Variants in ABHD12 observed in about 807,000 individuals in gnomAD.
ABHD12 encodes the protein lysophosphatidylserine lipase ABHD12.
In ABHD12, 43 loss-of-function variants were observed where a neutral mutation model predicts 58.3. That is an observed-to-expected ratio of 0.74 (90% CI 0.58 to 0.95). The LOEUF is 0.95. ABHD12 is among the 40% of genes least tolerant of loss of function. ABHD12 has a pLI of 0.00. For synonymous variants in ABHD12, 219 were observed against 211.2 expected (o/e 1.04, Z -0.32); for missense variants, 539 against 537.2 (o/e 1.00, Z -0.03).
At chr20:25,342,103 C>CAAAAAAAAAA (rs11476197) in intron 1 of ABHD12, among the ~76,000 whole-genome samples, 1 of 69,804 alleles carries the variant, frequency 1.4e-5, no homozygotes, top group African/African-American at 5.4e-5. Context: ...AACTCTGTCT[C>CAAAAAAAAAA]AAAAAAAAAA....
chr20:25,365,448 T>C (rs1431025919), intron 1 of ABHD12, among the ~76,000 whole-genome samples: 2 of 152,196 alleles, frequency 1.3e-5, no homozygotes, highest in African/African-American at 2.4e-5. Context: ...ATTTTACAGC[T>C]CCTAACTGGG....
At chr20:25,309,695 C>T in intron 6 of ABHD12, 120 bp from the exon 7 acceptor site, 1 of 1,465,746 alleles carries the variant, frequency 6.8e-7, no homozygotes, top group Admixed American at 1.8e-5. Context: ...CTTGGCCCAC[C>T]CTTCCAGAGT....
intron 2 of ABHD12, among the ~76,000 whole-genome samples, chr20:25,332,193 T>C (rs899519922): frequency 3.3e-5 from 5 of 151,224 alleles, no homozygotes; most frequent in African/African-American, 1.2e-4. Context: ...CCAACAAAGA[T>C]CAAAAGAGAC....
At chr20:25,366,135 G>C (rs1027517102) in intron 1 of ABHD12, among the ~76,000 whole-genome samples, 12 of 152,028 alleles carry the variant, frequency 7.9e-5, no homozygotes, top group African/African-American at 2.7e-4. Context: ...ATTGGGCCTT[G>C]AACTTTTTTC....
chr20:25,314,860 G>A (rs1434568333), intron 6 of ABHD12, 65 bp downstream of exon 6: 7 of 1,572,696 alleles, frequency 4.5e-6, no homozygotes, highest in Non-Finnish European at 6.1e-6. Context: ...AGTGAGGCCT[G>A]CCCATGGGAT....
At chr20:25,351,256 C>T (rs2089597300) in intron 1 of ABHD12, among the ~76,000 whole-genome samples, 1 of 152,170 alleles carries the variant, frequency 6.6e-6, no homozygotes, top group African/African-American at 2.4e-5. Flanking sequence ...AAGACTTTGT[C>T]TTTCACCTTT....
At chr20:25,305,991 C>A (rs1761637586) in intron 10 of ABHD12, among the ~76,000 whole-genome samples, 1 of 151,866 alleles carries the variant, frequency 6.6e-6, no homozygotes, top group African/African-American at 2.4e-5. Flanking sequence ...CATGGTGAAA[C>A]CCCGTCTCTA....
At chr20:25,325,410 A>C (rs891702660) in intron 2 of ABHD12, among the ~76,000 whole-genome samples, 5 of 152,100 alleles carry the variant, frequency 3.3e-5, no homozygotes, top group African/African-American at 4.8e-5. Flanking sequence ...CCAGTACCTA[A>C]GAGTGTGACC....
intron 1 of ABHD12, among the ~76,000 whole-genome samples, chr20:25,367,852 A>T (rs2089844797): frequency 1.3e-5 from 2 of 152,232 alleles, no homozygotes; most frequent in Non-Finnish European, 2.9e-5. Flanking sequence ...GCTGCTATGA[A>T]CATGGGTGTA....
At chr20:25,376,016 GGGA>G (rs2089958480) in intron 1 of ABHD12, among the ~76,000 whole-genome samples, 1 of 152,090 alleles carries the variant, frequency 6.6e-6, no homozygotes, top group South Asian at 2.1e-4. Flanking sequence ...CCAGCCACTT[GGGA>G]GGCTGAGGCA....
intron 3 of ABHD12, among the ~76,000 whole-genome samples, chr20:25,320,756 A>ATT (rs1328144398): frequency 6.6e-6 from 1 of 152,224 alleles, no homozygotes; most frequent in Non-Finnish European, 1.5e-5. Flanking sequence ...ATGCTGTCAC[A>ATT]TTTGCTAATT....
At chr20:25,295,147 G>T in intron 12 of ABHD12, 1 of 1,082,552 alleles carries the variant, frequency 9.2e-7, no homozygotes, top group Non-Finnish European at 1.4e-6. Flanking sequence ...TTTTTGTTCA[G>T]CACATCAGGA....
At chr20:25,298,159 C>T (rs1180108765), downstream of ABHD12, 1 of 152,248 alleles carries the variant, frequency 6.6e-6, no homozygotes, top group East Asian at 1.9e-4. Flanking sequence ...CCGTCTGAAA[C>T]TAGAGCCGGG....
chr20:25,308,332 C>A (rs1600770020), intron 8 of ABHD12, 125 bp downstream of exon 8: 2 of 1,282,488 alleles, frequency 1.6e-6, no homozygotes, highest in East Asian at 5.0e-5. Flanking sequence ...GCTGGTCAGC[C>A]CCGGGCCCCC....
At chr20:25,343,908 A>C (rs528751150) in intron 1 of ABHD12, among the ~76,000 whole-genome samples, 22 of 152,398 alleles carry the variant, frequency 1.4e-4, no homozygotes, top group African/African-American at 5.3e-4. Context: ...ATGTATAAAA[A>C]GAATTATACA....
chr20:25,294,933 T>C, exon 13 of ABHD12: 2 of 1,609,666 alleles, frequency 1.2e-6, no homozygotes, highest in Non-Finnish European at 8.5e-7. Context: ...TTTAGTTTTG[T>C]CTGCTGCTCT....
chr20:25,296,735 A>G (rs201678685), downstream of ABHD12: 19 of 648,188 alleles, frequency 2.9e-5, 1 homozygote, highest in Middle Eastern at 5.2e-3. Context: ...AAAGGAAGCC[A>G]GAGTTGACAG....
chr20:25,357,197 C>T (rs375229512), intron 1 of ABHD12, among the ~76,000 whole-genome samples: 7 of 152,338 alleles, frequency 4.6e-5, no homozygotes, highest in East Asian at 1.9e-4. Context: ...GACTCTCCAG[C>T]GCCTTTCAGT....
chr20:25,364,190 TATTC>T (rs1202364223), intron 1 of ABHD12, among the ~76,000 whole-genome samples: 3 of 152,246 alleles, frequency 2.0e-5, no homozygotes, highest in African/African-American at 7.2e-5. Context: ...CTTCACTTTT[TATTC>T]AAACAAAACA....
Sources: gnomAD v4.1 joint callset for allele counts (sites outside exome capture counted in the v4.1 genomes callset) on GRCh38, gnomAD v4.1.1 for gene constraint, MANE v1.5 for transcripts, NCBI Gene and HGNC (gene_info 2026-07-23, HGNC 2026-07-21) for gene names.